Variants in CADM2 observed in about 807,000 individuals in gnomAD.
CADM2 encodes immunoglobulin superfamily member 4D.
A neutral mutation model predicts 49.8 loss-of-function variants in CADM2; 12 were observed. That is an observed-to-expected ratio of 0.24 (90% CI 0.15 to 0.39). The LOEUF is 0.39. CADM2 is among the 10% of genes least tolerant of loss of function. CADM2 has a pLI of 1.00. For missense variants in CADM2, 378 were observed against 492.3 expected (o/e 0.77, Z 2.20); for synonymous variants, 214 against 175.4 (o/e 1.22, Z -1.74).
chr3:85,493,685 C>A (rs2039770112), intron 1 of CADM2, among the ~76,000 whole-genome samples: 1 of 152,080 alleles, frequency 6.6e-6, no homozygotes, highest in African/African-American at 2.4e-5. Context: ...CTCAGAGTTC[C>A]CTGAGGATTC....
intron 1 of CADM2, among the ~76,000 whole-genome samples, chr3:85,345,763 T>A (rs2030572417): frequency 6.6e-6 from 1 of 152,186 alleles, no homozygotes. Context: ...AACTTAAATT[T>A]GTCTTTGAAT....
intron 1 of CADM2, among the ~76,000 whole-genome samples, chr3:85,623,169 C>T (rs1474218918): frequency 6.6e-6 from 1 of 152,096 alleles, no homozygotes; most frequent in East Asian, 1.9e-4. Context: ...AGTTTCAAGG[C>T]ATTCTATTTA....
chr3:85,087,185 G>A (rs138486799), intron 1 of CADM2, among the ~76,000 whole-genome samples: 75 of 152,212 alleles, frequency 4.9e-4, no homozygotes, highest in African/African-American at 1.8e-3. Context: ...CATGAATCTC[G>A]GTTAACAGAA....
In CADM2 at chr3:85,672,088, G is replaced by T. The variant is rs183828719; in HGVS notation, c.62-54434G>T. ...TGAATGAAGCAAGACATTAATGTAG[G>T]AAAATGTGTTGGAAGTCTCATATAG... On this transcript the variant is annotated intron_variant, in intron 1 of 9. Transcript: ENST00000383699. 7.8e-4 allele frequency among the ~76,000 whole-genome samples: 119 copies of T among 151,828 alleles called. 1 individual carries two copies. Among genetic ancestry groups the T allele is most frequent in the African/African-American group, 2.8e-3 (116 of 41,410 alleles).
chr3:85,109,459 A>T (rs2038371010), intron 1 of CADM2, among the ~76,000 whole-genome samples: 1 of 152,012 alleles, frequency 6.6e-6, no homozygotes, highest in East Asian at 1.9e-4. Context: ...TAGGGGGGGA[A>T]ATAGTAAAGA....
chr3:85,894,212 C>A (rs1714888832), intron 5 of CADM2, among the ~76,000 whole-genome samples: 1 of 152,098 alleles, frequency 6.6e-6, no homozygotes, highest in Non-Finnish European at 1.5e-5. Context: ...ATGGATGAAG[C>A]TGGAAACCAT....
chr3:85,309,818 A>G (rs897249124), intron 1 of CADM2, among the ~76,000 whole-genome samples: 1 of 152,196 alleles, frequency 6.6e-6, no homozygotes, highest in Admixed American at 6.5e-5. Context: ...GGACTATATT[A>G]CTTTACCCCC....
At chr3:86,014,331 A>G in intron 8 of CADM2, 2 of 1,384,134 alleles carry the variant, frequency 1.4e-6, no homozygotes, top group South Asian at 1.7e-5. Flanking sequence ...CTTTGGGGAA[A>G]ATCTCCAGGG....
intron 1 of CADM2, among the ~76,000 whole-genome samples, chr3:85,615,948 A>T (rs780126868): frequency 6.6e-6 from 1 of 152,014 alleles, no homozygotes; most frequent in Non-Finnish European, 1.5e-5. Flanking sequence ...CATTGACTCA[A>T]GAGGTTCAAG....
At chr3:85,158,122 A>G (rs1367740040) in intron 1 of CADM2, among the ~76,000 whole-genome samples, 22 of 152,244 alleles carry the variant, frequency 1.4e-4, no homozygotes, top group Non-Finnish European at 1.5e-5. Flanking sequence ...AGAGAAATGC[A>G]AATCGAAACC....
At chr3:85,239,578 T>G (rs1467787021) in intron 1 of CADM2, among the ~76,000 whole-genome samples, 2 of 151,658 alleles carry the variant, frequency 1.3e-5, no homozygotes, top group Non-Finnish European at 3.0e-5. Flanking sequence ...TGTAACTTAA[T>G]GTTTCACATG....
At chr3:85,021,073 T>A (rs1225539271) in intron 1 of CADM2, among the ~76,000 whole-genome samples, 2 of 137,690 alleles carry the variant, frequency 1.5e-5, no homozygotes, top group African/African-American at 2.8e-5. Context: ...GCCAAGATTG[T>A]GCCTTTGCAT....
chr3:85,434,479 A>G (rs1429511699), intron 1 of CADM2, among the ~76,000 whole-genome samples: 2 of 152,052 alleles, frequency 1.3e-5, no homozygotes, highest in East Asian at 3.9e-4. Context: ...AATGTTTTAG[A>G]AACTGTTATA....
intron 2 of CADM2, among the ~76,000 whole-genome samples, chr3:85,789,756 T>A (rs1024986146): frequency 6.6e-6 from 1 of 152,198 alleles, no homozygotes; most frequent in Non-Finnish European, 1.5e-5. Flanking sequence ...AAGTCTTCAT[T>A]ACAAAAATCT....
At chr3:85,482,508 A>G (rs2039255516) in intron 1 of CADM2, among the ~76,000 whole-genome samples, 1 of 151,710 alleles carries the variant, frequency 6.6e-6, no homozygotes, top group Admixed American at 6.6e-5. Flanking sequence ...GGCTAATTCT[A>G]TTTTTGCTAA....
intron 1 of CADM2, among the ~76,000 whole-genome samples, chr3:85,081,131 TATA>T (rs1277585023): frequency 2.0e-5 from 3 of 152,278 alleles, no homozygotes; most frequent in South Asian, 4.1e-4. Flanking sequence ...CAATATATAG[TATA>T]ATAAGTGAAA....
intron 1 of CADM2, among the ~76,000 whole-genome samples, chr3:85,241,673 G>T (rs2042532702): frequency 6.6e-6 from 1 of 151,430 alleles, no homozygotes; most frequent in African/African-American, 2.4e-5. Context: ...TTCTTTGGTA[G>T]AAATAAGTTA....
At chr3:85,628,427 T>C (rs1339985828) in intron 1 of CADM2, among the ~76,000 whole-genome samples, 1 of 151,362 alleles carries the variant, frequency 6.6e-6, no homozygotes, top group Non-Finnish European at 1.5e-5. Flanking sequence ...AATACTCTGC[T>C]CCAGGTTTTA....
At chr3:85,059,625 G>A (rs910140783) in intron 1 of CADM2, among the ~76,000 whole-genome samples, 1 of 152,108 alleles carries the variant, frequency 6.6e-6, no homozygotes, top group Non-Finnish European at 1.5e-5. Flanking sequence ...ATTGAACTAT[G>A]AGGGTGAGTC....
Sources: gnomAD v4.1 joint callset for allele counts (sites outside exome capture counted in the v4.1 genomes callset) on GRCh38, gnomAD v4.1.1 for gene constraint, MANE v1.5 for transcripts, NCBI Gene and HGNC (gene_info 2026-07-23, HGNC 2026-07-21) for gene names.